CDC42BPA: variants seen among roughly 807,000 people sequenced by gnomAD.
CDC42BPA encodes serine/threonine-protein kinase MRCK alpha.
A neutral mutation model predicts 223.5 loss-of-function variants in CDC42BPA; 80 were observed. The ratio of observed to expected loss-of-function variants is 0.36; its 90% confidence interval spans 0.30 to 0.43. The LOEUF (loss-of-function observed/expected upper bound fraction) is 0.43, where lower values mean the gene tolerates loss of function less well. Among genes scored for constraint, CDC42BPA ranks in the 20% least tolerant of loss-of-function variants. The pLI is 1.00. For missense variants in CDC42BPA, 1,743 were observed against 2,099.9 expected (o/e 0.83, Z 3.32); for synonymous variants, 694 against 718.6 (o/e 0.97, Z 0.55).
chr1:227,139,658 G>T lies in CDC42BPA; in HGVS notation c.1308C>A (p.Asp436Glu). The change falls in exon 10 of 37, where the codon GAC (aspartate) becomes GAA (glutamate). Residue 436 changes from aspartate to glutamate, a missense_variant. Asp to Glu is a conservative substitution (Grantham distance 45). Coordinates refer to ENST00000366766, the MANE Select transcript of CDC42BPA (RefSeq NM_001394014.1). ...DLDVNVQRTL[D>E]NNLATEAYER... ...CATAAGCTTCAGTTGCTAAGTTGTT[G>T]TCTAGAGTCCTCTGAACATTAACAT... is the stretch of plus-strand genomic sequence containing the variant. 1 of 1,611,694 alleles carries T rather than the reference G, an allele frequency of 6.2e-7. No individual in the cohort carries two copies. The highest frequency in any genetic ancestry group is 1.7e-4 in the Middle Eastern group (1 of 6,050).
intron 5 of CDC42BPA, among the ~76,000 whole-genome samples, chr1:227,191,951 C>G (rs1459758414): frequency 1.7e-5 from 2 of 119,242 alleles, no homozygotes; most frequent in African/African-American, 6.7e-5. Flanking sequence ...AGACCCCCAT[C>G]TCTACAAAAA....
chr1:227,126,266 A>G (rs1689566957), intron 11 of CDC42BPA, among the ~76,000 whole-genome samples: 1 of 152,166 alleles, frequency 6.6e-6, no homozygotes. Context: ...GCCACAAGGT[A>G]AGTACTAAAA....
chr1:227,023,224 C>T, intron 32 of CDC42BPA, 39 bp downstream of exon 32: 1 of 972,056 alleles, frequency 1.0e-6, no homozygotes, highest in Non-Finnish European at 1.6e-6. Flanking sequence ...AATAATATTT[C>T]CAATGAAGCT....
At chr1:227,063,747 G>A (rs1007979787) in intron 21 of CDC42BPA, among the ~76,000 whole-genome samples, 4 of 152,090 alleles carry the variant, frequency 2.6e-5, no homozygotes, top group African/African-American at 4.8e-5. Flanking sequence ...TCTTTAAAAT[G>A]TATGTTTTAA....
rs148153737 is a variant in CDC42BPA at position 227,249,710 on chromosome 1, C to A, written c.270+4354G>T. Among the ~76,000 whole-genome samples the A allele has an allele frequency of 5.0e-3, 760 of 152,266 alleles. 5 individuals carry two copies. Among genetic ancestry groups the A allele is most frequent in the African/African-American group, 0.017 (710 of 41,544 alleles). ...CATATGAAAAAAGTGGTCAACATCA[C>A]TGATCATCAGAGAAATGCAAATCAA... On this transcript the variant is annotated intron_variant, in intron 2 of 36. Coordinates refer to ENST00000366766, the MANE Select transcript of CDC42BPA (RefSeq NM_001394014.1).
chr1:227,031,285 T>C lies in CDC42BPA; in HGVS notation c.3775+13A>G, dbSNP rs16846848. The C allele has an allele frequency of 0.011, 16,964 of 1,589,168 alleles. 155 individuals carry two copies. Among genetic ancestry groups the C allele is most frequent in the African/African-American group, 0.042 (3,111 of 74,378 alleles). On this transcript the variant is annotated intron_variant, in intron 28 of 36. Transcript: ENST00000366766. ...ACAATGATAATAATATGATAAATGT[T>C]ATAAATTCATACCTATGATTGCGGC...
chr1:227,265,859 T>G (rs1343605751), intron 1 of CDC42BPA, among the ~76,000 whole-genome samples: 1 of 152,162 alleles, frequency 6.6e-6, no homozygotes, highest in Non-Finnish European at 1.5e-5. Context: ...GTTTGAACTC[T>G]AACACTTATA....
At chr1:227,145,220 TC>T (rs1196992182) in intron 8 of CDC42BPA, among the ~76,000 whole-genome samples, 3 of 152,196 alleles carry the variant, frequency 2.0e-5, no homozygotes, top group Admixed American at 1.3e-4. Context: ...TCTAATTTGT[TC>T]TCTTACGAAG....
chr1:227,063,168 C>T (rs758728926), intron 21 of CDC42BPA, among the ~76,000 whole-genome samples: 7 of 152,216 alleles, frequency 4.6e-5, no homozygotes, highest in African/African-American at 1.4e-4. Flanking sequence ...AAAACACACC[C>T]ACACACTTTC....
rs1223812507 is a variant in CDC42BPA at position 227,058,468 on chromosome 1, G to C, written c.2905-6483C>G. Among the ~76,000 whole-genome samples, 5 of 152,126 alleles carry C rather than the reference G, an allele frequency of 3.3e-5. No individual in the cohort carries two copies. In the East Asian group the frequency reaches 9.6e-4, roughly 29 times the overall value. On this transcript the variant is annotated intron_variant, in intron 21 of 36. Coordinates refer to ENST00000366766, the MANE Select transcript of CDC42BPA (RefSeq NM_001394014.1). ...TTGATCAGTCTCCACGGAGATGACTGGTGAACATTACGAATTTGTATCCAT... is the reference window on the plus strand; with the variant it reads ...TTGATCAGTCTCCACGGAGATGACTCGTGAACATTACGAATTTGTATCCAT...
At chr1:227,003,351 G>T (rs1663282520) in intron 35 of CDC42BPA, among the ~76,000 whole-genome samples, 1 of 152,092 alleles carries the variant, frequency 6.6e-6, no homozygotes, top group African/African-American at 2.4e-5. Context: ...CACTTACGCT[G>T]GCACACTCGA....
At chr1:227,222,238 G>A (rs1210182807) in intron 2 of CDC42BPA, among the ~76,000 whole-genome samples, 34 of 150,664 alleles carry the variant, frequency 2.3e-4, no homozygotes, top group Non-Finnish European at 7.4e-5. Context: ...GCTGGGCACG[G>A]TGGCTCATGC....
intron 34 of CDC42BPA, among the ~76,000 whole-genome samples, chr1:227,010,038 T>G (rs1052789453): frequency 1.3e-5 from 2 of 152,228 alleles, no homozygotes; most frequent in Admixed American, 1.3e-4. Context: ...ATATAAACAT[T>G]TTATTACCTG....
At position 227,035,487 on chromosome 1, in the gene CDC42BPA, T is replaced by A. The variant is rs753377530; in HGVS notation, c.3320A>T (p.Tyr1107Phe). The change falls in exon 25 of 37, where the codon TAT becomes TTT. Residue 1107 changes from tyrosine to phenylalanine, a missense_variant. Coordinates refer to ENST00000366766, the MANE Select transcript of CDC42BPA (RefSeq NM_001394014.1). Reference sequence around the variant, plus strand: ...CATACTTACCCTGACATGACCTTCATATGCTGTTCCTATTCCTTTCTGAGG... The same window carrying A: ...CATACTTACCCTGACATGACCTTCAAATGCTGTTCCTATTCCTTTCTGAGG... The part of the protein sequence containing the change: ...IDPQKGIGTA[Y>F]EGHVRIPKPA... 6.2e-7 allele frequency: 1 copy of A among 1,609,302 alleles called. No homozygotes were observed. The highest frequency in any genetic ancestry group is 2.2e-5 in the East Asian group (1 of 44,746).
chr1:227,093,997 T>G, intron 15 of CDC42BPA, among the ~76,000 whole-genome samples: 1 of 152,160 alleles, frequency 6.6e-6, no homozygotes, highest in East Asian at 1.9e-4. Context: ...AATAGTTACA[T>G]CAAAAAGGGA....
At chr1:227,060,025 T>A (rs968971810) in intron 21 of CDC42BPA, among the ~76,000 whole-genome samples, 183 of 77,182 alleles carry the variant, frequency 2.4e-3, no homozygotes, top group African/African-American at 8.3e-3. Context: ...AAAAAGTTTT[T>A]TTTTGTTTTT....
rs143739043 is a variant in CDC42BPA, at chr1:227,253,226, G to A, written c.270+838C>T. On this transcript the variant is annotated intron_variant, in intron 2 of 36. Transcript: ENST00000366766. ...AAGAGAAGAGAGAGGAGAGAGAGAG[G>A]AGGGAGAGAGAGAAAGAGAGCGAGA... 3.5e-4 allele frequency among the ~76,000 whole-genome samples: 53 copies of A among 149,608 alleles called. 1 individual carries two copies. Among genetic ancestry groups the A allele is most frequent in the Non-Finnish European group, 6.7e-4 (45 of 67,564 alleles).
In CDC42BPA at chr1:227,297,967, TAC is replaced by T. The variant is rs1553440423; in HGVS notation, c.178+19036_178+19037del. 1.5e-3 allele frequency among the ~76,000 whole-genome samples: 198 copies of T among 132,072 alleles called. 4 individuals carry two copies. Among genetic ancestry groups the T allele is most frequent in the African/African-American group, 5.1e-3 (174 of 34,210 alleles). 86.6% of individuals were successfully genotyped at this position (132,072 alleles called of 152,430 possible). On this transcript the variant is annotated intron_variant, in intron 1 of 36. Coordinates refer to ENST00000366766, the MANE Select transcript of CDC42BPA (RefSeq NM_001394014.1). ...GTGTGTGTGTGTGTATATATACATA[TAC>T]ACACACACACACATATATACATATA...
chr1:227,268,683 C>T (rs868620190), intron 1 of CDC42BPA, among the ~76,000 whole-genome samples: 3,252 of 141,190 alleles, frequency 0.023, 120 homozygotes, highest in African/African-American at 0.08. Context: ...TATATATACA[C>T]ACACACACTT....
Sources: gnomAD v4.1 joint callset for allele counts (sites outside exome capture counted in the v4.1 genomes callset) on GRCh38, gnomAD v4.1.1 for gene constraint, MANE v1.5 for transcripts, NCBI Gene and HGNC (gene_info 2026-07-23, HGNC 2026-07-21) for gene names.